The following BEND2 variants were observed in gnomAD, a reference collection of about 807,000 sequenced individuals.
BEND2 encodes the protein BEN domain-containing protein 2.
BEND2 carries 19 observed loss-of-function variants against 43.8 expected under a neutral mutation model. That is an observed-to-expected ratio of 0.43 (90% CI 0.30 to 0.64). The LOEUF (loss-of-function observed/expected upper bound fraction) is 0.64, where lower values mean the gene tolerates loss of function less well. BEND2 is among the 30% of genes least tolerant of loss of function. The pLI is 0.11. For synonymous variants in BEND2, 226 were observed against 210.1 expected (o/e 1.08, Z -0.66); for missense variants, 544 against 574.0 (o/e 0.95, Z 0.53).
intron 8 of BEND2, among the ~76,000 whole-genome samples, chrX:18,188,208 T>A (rs952299192): frequency 2.7e-5 from 3 of 110,578 alleles, no homozygotes; most frequent in African/African-American, 6.6e-5. Context: ...GAATTTAAAA[T>A]GAAGAAAACA....
rs373037349 is a variant in BEND2, at chrX:18,174,282, C to G, written c.1753-24G>C. ...TTCTGTTGAAACACAAAATCATATC[C>G]GTAAACAAAGTCCCACAGCAAGAAA... On this transcript the variant is annotated intron_variant, in intron 11 of 13. Transcript: ENST00000380033. The G allele has an allele frequency of 3.4e-6, 4 of 1,175,699 alleles. No individual in the cohort carries two copies. The South Asian group carries it at 5.4e-5, about 16-fold the overall frequency.
At chrX:18,175,870 G>C in intron 11 of BEND2, 102 bp downstream of exon 11, 1 of 780,961 alleles carries the variant, frequency 1.3e-6, no homozygotes, top group Non-Finnish European at 1.7e-6. Flanking sequence ...GAGAATTTTA[G>C]CACATGGCCT....
chrX:18,192,783 C>T (rs1039172178), intron 7 of BEND2, among the ~76,000 whole-genome samples: 1 of 112,040 alleles, frequency 8.9e-6, no homozygotes, highest in Middle Eastern at 4.6e-3. Context: ...AAGGACCACT[C>T]ATACATCCAG....
At position 18,199,575 on chromosome X, in the gene BEND2, T is replaced by C. The variant is rs138056449; in HGVS notation, c.1033+2240A>G. Among the ~76,000 whole-genome samples, 962 of 111,344 alleles carry C rather than the reference T, an allele frequency of 8.6e-3. 15 individuals are homozygous for C. Among genetic ancestry groups the C allele is most frequent in the African/African-American group, 0.03 (915 of 30,710 alleles). The stretch of plus-strand genomic sequence containing the variant: ...AAATGGGTAAAGTATAAATGGGATC[T>C]CTGTACAATTTCTTACAATTACATG... On this transcript the variant is annotated intron_variant, in intron 6 of 13. Coordinates refer to ENST00000380033, the MANE Select transcript of BEND2 (RefSeq NM_153346.5).
chrX:18,212,186 C>T (rs1191715389), intron 4 of BEND2, among the ~76,000 whole-genome samples: 1 of 106,594 alleles, frequency 9.4e-6, no homozygotes, highest in African/African-American at 3.4e-5. Context: ...CCTCCGCCTC[C>T]GGGGTTCAAG....
At position 18,180,781 on chromosome X, in the gene BEND2, T is replaced by TTTTC. The variant is rs1326613352; in HGVS notation, c.1289-135_1289-132dup. 8.1e-6 allele frequency: 4 copies of TTTTC among 496,651 alleles called. No individual in the cohort carries two copies. In the African/African-American group the frequency reaches 9.8e-5, roughly 12 times the overall value. 40.9% of individuals were successfully genotyped at this position (496,651 alleles called of 1,213,427 possible). The stretch of plus-strand genomic sequence containing the variant: ...TTGCCAGCAGACCTACTCTTTTTTT[T>TTTTC]TTTCTTTCTTTCTTTTTTTTTTAGA... On this transcript the variant is annotated intron_variant, in intron 8 of 13. Transcript: ENST00000380033.
chrX:18,211,081 A>G (rs1925487722), intron 4 of BEND2, among the ~76,000 whole-genome samples: 2 of 111,660 alleles, frequency 1.8e-5, no homozygotes, highest in Non-Finnish European at 3.8e-5. Context: ...CAAAACCATG[A>G]CACTGGGCAG....
Position 18,174,132 on chromosome X carries a change from T to C in BEND2, c.1879A>G (p.Lys627Glu), listed in dbSNP as rs1285745606. ...TGCAAGTTCCTCTTTTCTCTCATTT[T>C]GGAGTTATTCATTGGCTGAAACATC... is the stretch of plus-strand genomic sequence containing the variant. ...SWMFQPMNNS[K>E]MREKRNLQPN... Residue 627 changes from lysine (K) to glutamate (E), a missense_variant, in exon 12 of 14, where the codon AAA (lysine) becomes GAA (glutamate). Physicochemically the swap from Lys to Glu is moderately conservative, Grantham distance 56. This residue lies in a region of BEND2 where 501 missense variants were observed against 501.6 expected (regional missense o/e 1.00). Coordinates refer to ENST00000380033, the MANE Select transcript of BEND2 (RefSeq NM_153346.5). The C allele has an allele frequency of 8.3e-6, 10 of 1,211,783 alleles. No individual in the cohort carries two copies. Among genetic ancestry groups the C allele is most frequent in the Non-Finnish European group, 1.1e-5 (10 of 895,184 alleles).
intron 8 of BEND2, among the ~76,000 whole-genome samples, chrX:18,185,751 A>G (rs1251649670): frequency 9.1e-6 from 1 of 110,009 alleles, no homozygotes; most frequent in Non-Finnish European, 1.9e-5. Flanking sequence ...CAACATACAA[A>G]GACCTCCAAT....
chrX:18,219,175 G>A (rs1925768519), intron 1 of BEND2, among the ~76,000 whole-genome samples: 1 of 112,186 alleles, frequency 8.9e-6, no homozygotes, highest in Non-Finnish European at 1.9e-5. Flanking sequence ...CCGGACAAGT[G>A]AGGCTCAAAA....
In BEND2 at chrX:18,195,355, G is replaced by A. The variant is rs546359357; in HGVS notation, c.1121C>T (p.Ser374Leu). ...TGGATATGGGGCACTCGTATTTCCC[G>A]ATAAAGCTGGGTAATACACTGTCTG... ...NSQTVYYPAL[S>L]GNTSAPYPAS... The change falls in exon 7 of 14, where the codon TCG becomes TTG. Residue 374 changes from serine to leucine, a missense_variant. By Grantham distance (145) the Ser-to-Leu change is moderately radical. Around this residue, in one of 2 missense-constraint regions of BEND2, gnomAD observed 501 missense variants for 501.6 expected, o/e 1.00. Coordinates refer to ENST00000380033, the MANE Select transcript of BEND2 (RefSeq NM_153346.5). 2.7e-5 allele frequency: 33 copies of A among 1,205,900 alleles called. No homozygotes were observed. The South Asian group carries it at 2.8e-4, about 10-fold the overall frequency.
At chrX:18,190,607 G>A (rs1404863378) in intron 8 of BEND2, among the ~76,000 whole-genome samples, 8 of 111,199 alleles carry the variant, frequency 7.2e-5, no homozygotes, top group African/African-American at 2.6e-4. Flanking sequence ...ATGACATGAA[G>A]GAGTAGATAT....
In BEND2 at chrX:18,163,880, T is replaced by C. The variant is rs1923755772; in HGVS notation, c.*1129A>G. On this transcript the variant is annotated 3_prime_UTR_variant, in exon 14 of 14. Transcript: ENST00000380033. ...TATTCTGTATTAGCTCTGTTACTAGTAGTTGTAAAAAACTTGTGAAACTGA... is the reference window on the plus strand; with the variant it reads ...TATTCTGTATTAGCTCTGTTACTAGCAGTTGTAAAAAACTTGTGAAACTGA... 1 of 112,515 alleles carries C rather than the reference T, an allele frequency of 8.9e-6. No homozygotes were observed. Among genetic ancestry groups the C allele is most frequent in the African/African-American group, 3.2e-5 (1 of 31,028 alleles). The allele number at this position is 112,515 out of a possible 1,213,427, so 9.3% of individuals were successfully genotyped here.
intron 7 of BEND2, among the ~76,000 whole-genome samples, chrX:18,191,909 T>C (rs1241579198): frequency 8.9e-6 from 1 of 112,063 alleles, no homozygotes; most frequent in Non-Finnish European, 1.9e-5. Flanking sequence ...TTGGGAAAAG[T>C]GGTAATGGAA....
intron 6 of BEND2, among the ~76,000 whole-genome samples, chrX:18,200,911 T>C (rs1231585242): frequency 1.8e-5 from 2 of 112,275 alleles, no homozygotes; most frequent in African/African-American, 3.2e-5. Flanking sequence ...GTAAGATCTG[T>C]GGAGTGTATC....
rs1449428231 is a variant in BEND2 at position 18,203,705 on chromosome X, TCCA to T, written c.700_702del (p.Trp234del). ...CTTTCAGCACCTCCACTGATAAAGT[TCCA>T]TGGCATACCGAAACAAGGAAATGAG... On this transcript the variant is annotated inframe_deletion, in exon 5 of 14. Transcript: ENST00000380033. The T allele has an allele frequency of 1.7e-6, 2 of 1,210,979 alleles. No individual in the cohort carries two copies. Among genetic ancestry groups the T allele is most frequent in the Admixed American group, 4.3e-5 (2 of 46,055 alleles).
intron 8 of BEND2, among the ~76,000 whole-genome samples, chrX:18,188,359 C>T (rs1924642358): frequency 9.1e-6 from 1 of 109,754 alleles, no homozygotes; most frequent in Non-Finnish European, 1.9e-5. Flanking sequence ...TGCACATGTA[C>T]CCTAGAACTT....
chrX:18,169,964 T>TA lies in BEND2; in HGVS notation c.2185+1036dup, dbSNP rs758910109. On this transcript the variant is annotated intron_variant, in intron 13 of 13. Coordinates refer to ENST00000380033, the MANE Select transcript of BEND2 (RefSeq NM_153346.5). Reference sequence around the variant, plus strand: ...AAAAGTCACCTATTTTCCCCCACATTAAAAAAAGGTAATTGGAAAGACACT... The same window carrying TA: ...AAAAGTCACCTATTTTCCCCCACATTAAAAAAAAGGTAATTGGAAAGACACT... 2.7e-5 allele frequency among the ~76,000 whole-genome samples: 3 copies of TA among 111,843 alleles called. No homozygotes were observed. The South Asian group carries it at 1.1e-3, about 42-fold the overall frequency.
chrX:18,198,187 A>C (rs865821167), intron 6 of BEND2, among the ~76,000 whole-genome samples: 2 of 110,928 alleles, frequency 1.8e-5, no homozygotes, highest in South Asian at 3.9e-4. Context: ...GCAACAAAAG[A>C]CAAAATTGAC....
Sources: allele counts gnomAD v4.1 joint callset (sites outside exome capture counted in the v4.1 genomes callset), GRCh38; gene constraint gnomAD v4.1.1; regional missense constraint gnomAD v4.1.1; transcripts MANE v1.5; gene names NCBI Gene and HGNC (gene_info 2026-07-23, HGNC 2026-07-21).